SH3D19: variants seen among roughly 807,000 people sequenced by gnomAD.
SH3D19 encodes the protein SH3 domain-containing protein 19.
In SH3D19, 58 loss-of-function variants were observed where a neutral mutation model predicts 112.1. The ratio of observed to expected loss-of-function variants is 0.52; its 90% CI spans 0.42 to 0.64. The LOEUF (loss-of-function observed/expected upper bound fraction) is 0.64. Ranked by LOEUF, SH3D19 falls within the 30% of genes least tolerant of loss-of-function variation. The probability of loss-of-function intolerance (pLI) is 0.00; values close to 1 mark genes in which losing one functional copy is unlikely to be tolerated. For synonymous variants in SH3D19, 391 were observed against 448.5 expected (o/e 0.87, Z 1.62); for missense variants, 1,090 against 1,263.4 (o/e 0.86, Z 2.08).
At chr4:151,209,559 C>A (rs1320606363) in intron 2 of SH3D19, among the ~76,000 whole-genome samples, 1 of 152,184 alleles carries the variant, frequency 6.6e-6, no homozygotes, top group East Asian at 1.9e-4. Flanking sequence ...GGATTACAGG[C>A]GTGAGCCACT....
rs572634815 is a variant in SH3D19, at chr4:151,213,965, T to G, written c.152+12082A>C. Among the ~76,000 whole-genome samples the G allele has an allele frequency of 2.9e-3, 436 of 151,234 alleles. 3 individuals carry two copies. In the Middle Eastern group the frequency reaches 0.038, roughly 13 times the overall value. ...CAATAGTGGAGGGAAGGTCAGCAGA[T>G]AAACAAGTGAACAAAGGTCTCTGGT... On this transcript the variant is annotated intron_variant, in intron 2 of 19. Transcript: ENST00000604030.
chr4:151,283,052 G>T, intron 1 of SH3D19: 2 of 1,487,376 alleles, frequency 1.3e-6, no homozygotes, highest in South Asian at 2.4e-5. Context: ...TGCACATCAT[G>T]ACTGAATGCT....
intron 1 of SH3D19, among the ~76,000 whole-genome samples, chr4:151,229,662 C>T (rs1217856261): frequency 6.6e-6 from 1 of 152,174 alleles, no homozygotes; most frequent in East Asian, 1.9e-4. Context: ...CCTGTAATCC[C>T]AGTACTTTGG....
intron 1 of SH3D19, among the ~76,000 whole-genome samples, chr4:151,267,211 T>A (rs1282267929): frequency 6.6e-6 from 1 of 150,888 alleles, no homozygotes; most frequent in Non-Finnish European, 1.5e-5. Context: ...GGCACGTGCC[T>A]GTAGTCCCAG....
At chr4:151,287,725 T>G (rs1774951215) in intron 1 of SH3D19, among the ~76,000 whole-genome samples, 1 of 152,044 alleles carries the variant, frequency 6.6e-6, no homozygotes, top group African/African-American at 2.4e-5. Flanking sequence ...TGAGACCTCG[T>G]TTCTACAAAA....
chr4:151,152,519 T>C (rs1755239237), intron 9 of SH3D19, among the ~76,000 whole-genome samples: 1 of 148,670 alleles, frequency 6.7e-6, no homozygotes, highest in Admixed American at 6.7e-5. Context: ...TCTCTCTCTT[T>C]TTTTTTTTTT....
intron 2 of SH3D19, 21 bp downstream of exon 2, chr4:151,226,026 T>C: frequency 8.2e-7 from 1 of 1,224,550 alleles, no homozygotes; most frequent in Non-Finnish European, 1.0e-6. Context: ...TACAGAATTA[T>C]TAGATACTGT....
intron 1 of SH3D19, chr4:151,282,417 A>G (rs372259053): frequency 7.4e-6 from 12 of 1,613,492 alleles, no homozygotes; most frequent in East Asian, 6.7e-5. Context: ...AGTTCAGGTG[A>G]GAATGGGCAG....
chr4:151,239,647 T>C (rs1169710327), intron 1 of SH3D19, among the ~76,000 whole-genome samples: 1 of 152,118 alleles, frequency 6.6e-6, no homozygotes, highest in Non-Finnish European at 1.5e-5. Flanking sequence ...TTCCCTTCTG[T>C]GGAACAGACA....
At chr4:151,194,761 C>T (rs772288916) in intron 2 of SH3D19, among the ~76,000 whole-genome samples, 4 of 151,598 alleles carry the variant, frequency 2.6e-5, no homozygotes, top group Admixed American at 6.6e-5. Context: ...TTTCGTCAAA[C>T]GATTAATGTG....
chr4:151,283,432 A>C, intron 1 of SH3D19: 1 of 656,510 alleles, frequency 1.5e-6, no homozygotes, highest in Non-Finnish European at 2.5e-6. Flanking sequence ...CAAATCACTT[A>C]ACTTCTATCT....
At chr4:151,317,325 T>C (rs1486904759) in intron 1 of SH3D19, among the ~76,000 whole-genome samples, 3 of 152,198 alleles carry the variant, frequency 2.0e-5, no homozygotes, top group Admixed American at 1.3e-4. Context: ...TTTCAATTAA[T>C]ACACCAAAAG....
intron 1 of SH3D19, among the ~76,000 whole-genome samples, chr4:151,312,150 C>G (rs959600918): frequency 2.6e-5 from 4 of 151,940 alleles, no homozygotes; most frequent in Non-Finnish European, 5.9e-5. Context: ...TGTTGTACAT[C>G]TTGAATATAT....
intron 1 of SH3D19, among the ~76,000 whole-genome samples, chr4:151,252,598 A>C (rs766013528): frequency 1.3e-5 from 2 of 152,092 alleles, no homozygotes; most frequent in Non-Finnish European, 2.9e-5. Context: ...ATCTCATCTC[A>C]TGGCTTTAAA....
intron 1 of SH3D19, among the ~76,000 whole-genome samples, chr4:151,311,253 T>A (rs1729433716): frequency 6.6e-6 from 1 of 150,662 alleles, no homozygotes; most frequent in Non-Finnish European, 1.5e-5. Context: ...ATAATTAGCT[T>A]GGCATGGTGG....
At chr4:151,283,221 G>A (rs773261574) in intron 1 of SH3D19, 19 of 1,613,702 alleles carry the variant, frequency 1.2e-5, no homozygotes, top group Non-Finnish European at 1.5e-5. Flanking sequence ...GCCAGCACTG[G>A]AGCCAGTCAT....
At chr4:151,129,494 C>T (rs1024840714) in intron 17 of SH3D19, among the ~76,000 whole-genome samples, 3 of 152,148 alleles carry the variant, frequency 2.0e-5, no homozygotes, top group African/African-American at 4.8e-5. Context: ...CTCAGCCTCC[C>T]GATTAGCTAG....
intron 1 of SH3D19, among the ~76,000 whole-genome samples, chr4:151,307,603 C>T (rs1228787264): frequency 6.6e-6 from 1 of 152,246 alleles, no homozygotes; most frequent in Non-Finnish European, 1.5e-5. Context: ...TTGCGAGGCC[C>T]CTTTGCTGTC....
intron 2 of SH3D19, among the ~76,000 whole-genome samples, chr4:151,201,723 A>G (rs1197589146): frequency 6.6e-6 from 1 of 152,218 alleles, no homozygotes; most frequent in African/African-American, 2.4e-5. Flanking sequence ...AAAAAATAAT[A>G]AAATAGGCCG....
Sources: allele counts gnomAD v4.1 joint callset (sites outside exome capture counted in the v4.1 genomes callset), GRCh38; gene constraint gnomAD v4.1.1; transcripts MANE v1.5; gene names NCBI Gene and HGNC (gene_info 2026-07-23, HGNC 2026-07-21).